Variants in NMS observed in about 807,000 individuals in gnomAD.
The protein encoded by NMS is neuromedin S, also known as neuromedin-S.
NMS carries 30 observed loss-of-function variants against 32.2 expected under a neutral mutation model. That is an observed-to-expected ratio of 0.93 (90% CI 0.70 to 1.26). The LOEUF is 1.26. Among genes scored for constraint, NMS ranks in the 50% most tolerant of loss-of-function variants. The probability of loss-of-function intolerance (pLI) is 0.00; values close to 1 mark genes in which losing one functional copy is unlikely to be tolerated. For missense variants in NMS, 190 were observed against 186.3 expected (o/e 1.02, Z -0.12); for synonymous variants, 76 against 58.5 (o/e 1.30, Z -1.37).
chr2:100,471,486 T>C (rs116764744), intron 1 of NMS, among the ~76,000 whole-genome samples: 1,780 of 152,320 alleles, frequency 0.012, 22 homozygotes, highest in African/African-American at 0.039. Context: ...ACTACTTCAA[T>C]GACCCCAACT....
intron 9 of NMS, 46 bp downstream of exon 9, chr2:100,482,357 C>T: frequency 3.2e-6 from 5 of 1,572,020 alleles, no homozygotes; most frequent in Non-Finnish European, 4.4e-6. Context: ...CTCTTTCAAG[C>T]AAATTTTATG....
At position 100,473,508 on chromosome 2, in the gene NMS, G is replaced by A. The variant is rs755454439; in HGVS notation, c.152G>A (p.Ser51Asn). The A allele has an allele frequency of 4.0e-6, 6 of 1,481,816 alleles. No individual in the cohort carries two copies. In the East Asian group the frequency reaches 1.2e-4, roughly 30 times the overall value. 91.8% of individuals were successfully genotyped at this position (1,481,816 alleles called of 1,614,324 possible). The change falls in exon 3 of 10, where the codon AGT becomes AAT. Residue 51 changes from serine to asparagine, a missense_variant. Coordinates refer to ENST00000376865, the MANE Select transcript of NMS (RefSeq NM_001011717.1). ...TTTTAGCAGCTGGCATATTGTCTGAGTCAGTGGGCACCTCTTTCTCGCCAA... is the reference window on the plus strand; with the variant it reads ...TTTTAGCAGCTGGCATATTGTCTGAATCAGTGGGCACCTCTTTCTCGCCAA... ...VQLEQLAYCL[S>N]QWAPLSRQPK...
intron 1 of NMS, among the ~76,000 whole-genome samples, chr2:100,471,323 T>C (rs1677003410): frequency 6.6e-6 from 1 of 152,234 alleles, no homozygotes; most frequent in African/African-American, 2.4e-5. Context: ...TGGTAATATA[T>C]TGACAGAGAA....
chr2:100,473,348 G>A (rs568842564), intron 2 of NMS, 141 bp from the exon 3 acceptor site: 8 of 350,842 alleles, frequency 2.3e-5, no homozygotes, highest in Non-Finnish European at 3.2e-5. Flanking sequence ...ATAGATTATG[G>A]TTTATACTAT....
At chr2:100,473,438 C>A in intron 2 of NMS, 51 bp from the exon 3 acceptor site, 1 of 1,083,642 alleles carries the variant, frequency 9.2e-7, no homozygotes, top group South Asian at 1.9e-5. Context: ...ATCAATCTCT[C>A]TCTTCATCCC....
At chr2:100,471,917 G>C (rs1558666599) in intron 1 of NMS, among the ~76,000 whole-genome samples, 1 of 152,172 alleles carries the variant, frequency 6.6e-6, no homozygotes, top group South Asian at 2.1e-4. Context: ...CCTGTTTCCA[G>C]AGAAAACTAT....
At chr2:100,476,957 A>G (rs1289501562) in intron 3 of NMS, among the ~76,000 whole-genome samples, 1 of 152,210 alleles carries the variant, frequency 6.6e-6, no homozygotes, top group Non-Finnish European at 1.5e-5. Flanking sequence ...ATTTGCTTCT[A>G]TGCATCAGAG....
chr2:100,472,693 T>G (rs1438814643), intron 1 of NMS, 102 bp from the exon 2 acceptor site: 3 of 716,468 alleles, frequency 4.2e-6, no homozygotes, highest in African/African-American at 1.8e-5. Context: ...TCTTTGGTGG[T>G]TTATTATTTT....
chr2:100,482,144 T>C, intron 8 of NMS, 133 bp from the exon 9 acceptor site: 1 of 847,484 alleles, frequency 1.2e-6, no homozygotes, highest in Non-Finnish European at 2.0e-6. Context: ...CCCAGGTGAG[T>C]CCCCATGGAG....
chr2:100,480,386 G>A (rs1677194253), intron 6 of NMS, 110 bp from the exon 7 acceptor site: 1 of 1,112,214 alleles, frequency 9.0e-7, no homozygotes, highest in East Asian at 2.4e-5. Flanking sequence ...TTTTGCACCA[G>A]ACTTCTGACT....
chr2:100,473,444 A>T (rs772267470), intron 2 of NMS, 45 bp from the exon 3 acceptor site: 2 of 1,155,146 alleles, frequency 1.7e-6, no homozygotes, highest in Non-Finnish European at 1.2e-6. Flanking sequence ...CTCTCTCTTC[A>T]TCCCCCTCAT....
intron 3 of NMS, among the ~76,000 whole-genome samples, chr2:100,476,202 C>T (rs1677107560): frequency 6.6e-6 from 1 of 152,108 alleles, no homozygotes; most frequent in African/African-American, 2.4e-5. Flanking sequence ...AACACACACA[C>T]ACACTGTTGT....
At chr2:100,474,158 C>T (rs1677060885) in intron 3 of NMS, among the ~76,000 whole-genome samples, 2 of 152,168 alleles carry the variant, frequency 1.3e-5, no homozygotes, top group African/African-American at 4.8e-5. Context: ...GAGCAAGACT[C>T]TATCTCACCA....
intron 6 of NMS, among the ~76,000 whole-genome samples, chr2:100,480,260 G>A (rs1265220778): frequency 2.0e-5 from 3 of 152,354 alleles, no homozygotes; most frequent in East Asian, 1.9e-4. Context: ...CAAACTTAAC[G>A]TACTTGGACA....
rs375655300 is a variant in NMS, at chr2:100,472,848, G to C, written c.130G>C (p.Glu44Gln). The C allele has an allele frequency of 1.9e-6, 3 of 1,603,274 alleles. No homozygotes were observed. Among genetic ancestry groups the C allele is most frequent in the African/African-American group, 2.7e-5 (2 of 74,732 alleles). Reference sequence around the variant, plus strand: ...AGATGGCTTGGATATTGTGCAGCTTGAGGTACCCAATTATTCAGTAATGTG... The same window carrying C: ...AGATGGCTTGGATATTGTGCAGCTTCAGGTACCCAATTATTCAGTAATGTG... ...PSDGLDIVQL[E>Q]QLAYCLSQWA... Residue 44 changes from glutamate (E) to glutamine (Q), a missense_variant and splice_region_variant, in exon 2 of 10, where the codon GAG becomes CAG. Transcript: ENST00000376865.
At chr2:100,483,212 G>A (rs753322241) in intron 9 of NMS, 40 bp from the exon 10 acceptor site, 1 of 1,593,068 alleles carries the variant, frequency 6.3e-7, no homozygotes, top group Non-Finnish European at 8.6e-7. Flanking sequence ...TTCCGAGAAT[G>A]ATTTGAACTG....
chr2:100,473,573 AAT>A (rs748706157), intron 3 of NMS, 34 bp downstream of exon 3: 152 of 784,594 alleles, frequency 1.9e-4, no homozygotes, highest in Middle Eastern at 4.2e-4. Context: ...ATATATATAA[AAT>A]ATATATATAT....
At chr2:100,480,251 A>C (rs1299008836) in intron 6 of NMS, among the ~76,000 whole-genome samples, 4 of 152,246 alleles carry the variant, frequency 2.6e-5, no homozygotes, top group African/African-American at 9.6e-5. Flanking sequence ...AGGAGCAAGC[A>C]AACTTAACGT....
intron 2 of NMS, among the ~76,000 whole-genome samples, chr2:100,473,188 G>T (rs1175212974): frequency 2.0e-5 from 3 of 152,212 alleles, no homozygotes; most frequent in Non-Finnish European, 4.4e-5. Context: ...CAGGGTACAT[G>T]TGATATTCTG....
Sources: allele counts gnomAD v4.1 joint callset (sites outside exome capture counted in the v4.1 genomes callset), GRCh38; gene constraint gnomAD v4.1.1; transcripts MANE v1.5; gene names NCBI Gene and HGNC (gene_info 2026-07-23, HGNC 2026-07-21).